NR2F1-AS1: variants seen among roughly 807,000 people sequenced by gnomAD.
The protein encoded by NR2F1-AS1 is NR2F1 antisense RNA 1.
At chr5:93,450,087 T>C (rs1749795831) in intron 4 of NR2F1-AS1, among the ~76,000 whole-genome samples, 1 of 152,196 alleles carries the variant, frequency 6.6e-6, no homozygotes. Flanking sequence ...CTTCTGAATA[T>C]GAATGTTCAT....
chr5:93,472,157 A>C lies in NR2F1-AS1; in HGVS notation n.639-76615T>G, dbSNP rs999714008. Among the ~76,000 whole-genome samples, 39 of 151,850 alleles carry C rather than the reference A, an allele frequency of 2.6e-4. 1 individual carries two copies. The highest frequency in any genetic ancestry group is 2.4e-5 in the African/African-American group (1 of 41,426). On this transcript the variant is annotated intron_variant and non_coding_transcript_variant, in intron 4 of 5. Transcript: ENST00000660523. ...ATTTGAACCCAGCCTTTTCATATGC[A>C]GAATCCTTAATGATATCAATGAAGG... is the stretch of plus-strand genomic sequence containing the variant.
chr5:93,416,431 G>C (rs1164291904), intron 4 of NR2F1-AS1, among the ~76,000 whole-genome samples: 1 of 152,072 alleles, frequency 6.6e-6, no homozygotes. Flanking sequence ...ATATAGAACA[G>C]AGATTATATC....
intron 2 of NR2F1-AS1, among the ~76,000 whole-genome samples, chr5:93,560,160 G>A (rs1561502974): frequency 2.6e-5 from 4 of 152,158 alleles, no homozygotes; most frequent in South Asian, 4.1e-4. Flanking sequence ...GATGATATAT[G>A]AAATGTGCTT....
chr5:93,441,687 G>T (rs191149434), intron 4 of NR2F1-AS1, among the ~76,000 whole-genome samples: 3 of 152,178 alleles, frequency 2.0e-5, no homozygotes, highest in African/African-American at 7.2e-5. Flanking sequence ...CATCACTGTG[G>T]AGATAAATCC....
chr5:93,486,788 A>G (rs1215319187), intron 4 of NR2F1-AS1, among the ~76,000 whole-genome samples: 1 of 152,180 alleles, frequency 6.6e-6, no homozygotes, highest in Non-Finnish European at 1.5e-5. Flanking sequence ...GCAGAGACAC[A>G]ATACAAAAAA....
At chr5:93,556,799 T>C (rs1356727217) in intron 2 of NR2F1-AS1, among the ~76,000 whole-genome samples, 2 of 152,174 alleles carry the variant, frequency 1.3e-5, no homozygotes, top group Non-Finnish European at 2.9e-5. Flanking sequence ...ACCAACACCT[T>C]GATCTCAGAC....
chr5:93,427,084 T>C (rs1375115818), intron 4 of NR2F1-AS1, among the ~76,000 whole-genome samples: 1 of 152,206 alleles, frequency 6.6e-6, no homozygotes, highest in Non-Finnish European at 1.5e-5. Context: ...CTGATCTTTT[T>C]CATGTATAAT....
intron 2 of NR2F1-AS1, among the ~76,000 whole-genome samples, chr5:93,556,270 TCTC>T (rs1156742456): frequency 9.2e-5 from 14 of 152,214 alleles, no homozygotes; most frequent in African/African-American, 1.9e-4. Flanking sequence ...CTTCAGGAGT[TCTC>T]CTGTTTGTTC....
At chr5:93,461,512 A>C (rs1400326303) in intron 4 of NR2F1-AS1, among the ~76,000 whole-genome samples, 1 of 152,202 alleles carries the variant, frequency 6.6e-6, no homozygotes, top group East Asian at 1.9e-4. Flanking sequence ...AAATTAAAAA[A>C]AAATTCAGTC....
chr5:93,416,092 C>A (rs187776638), intron 4 of NR2F1-AS1, among the ~76,000 whole-genome samples: 1 of 152,298 alleles, frequency 6.6e-6, no homozygotes, highest in Admixed American at 6.5e-5. Flanking sequence ...CAGGACATTA[C>A]AGTACTTACA....
chr5:93,579,498 A>G lies in NR2F1-AS1; in HGVS notation n.313+969T>C, dbSNP rs889766092. On this transcript the variant is annotated intron_variant and non_coding_transcript_variant, in intron 1 of 5. Coordinates refer to ENST00000660523, the Ensembl canonical transcript of NR2F1-AS1. The surrounding 1 kb of genome is among the most constrained non-coding windows in gnomAD (Gnocchi z 5.1). ...TGGGTGGGCGCCTCTGCTCCCGGGC[A>G]GGCTCAGCTGTCATCCCGTCTCGCC... Among the ~76,000 whole-genome samples, 1 of 152,162 alleles carries G rather than the reference A, an allele frequency of 6.6e-6. No individual in the cohort carries two copies. Among genetic ancestry groups the G allele is most frequent in the African/African-American group, 2.4e-5 (1 of 41,460 alleles).
Position 93,418,588 on chromosome 5 carries a change from A to AAAT in NR2F1-AS1, n.639-23047_639-23046insATT, listed in dbSNP as rs1561426353. Among the ~76,000 whole-genome samples the AAAT allele has an allele frequency of 1.8e-3, 264 of 149,518 alleles. 3 individuals are homozygous for AAAT. The highest frequency in any genetic ancestry group is 6.3e-3 in the African/African-American group (254 of 40,040). ...CAAAAGAGCGAGACGCCGTCTCATAAAAATAAATAAATAAATAAATAAATA... is the reference window on the plus strand; with the variant it reads ...CAAAAGAGCGAGACGCCGTCTCATAAAATAAATAAATAAATAAATAAATAAATA... On this transcript the variant is annotated intron_variant and non_coding_transcript_variant, in intron 4 of 5. Transcript: ENST00000660523.
chr5:93,527,950 G>A (rs539093659), intron 4 of NR2F1-AS1, among the ~76,000 whole-genome samples: 27 of 152,248 alleles, frequency 1.8e-4, no homozygotes, highest in African/African-American at 4.1e-4. Flanking sequence ...AAGACTTCAC[G>A]ACTAAAATAC....
intron 4 of NR2F1-AS1, among the ~76,000 whole-genome samples, chr5:93,444,018 C>G (rs1749634177): frequency 6.6e-6 from 1 of 152,124 alleles, no homozygotes; most frequent in African/African-American, 2.4e-5. Context: ...TTTGTCACCA[C>G]CAGGCCTGCC....
At chr5:93,536,730 C>T (rs1470069625) in intron 4 of NR2F1-AS1, among the ~76,000 whole-genome samples, 4 of 152,000 alleles carry the variant, frequency 2.6e-5, no homozygotes, top group African/African-American at 4.8e-5. Flanking sequence ...ACTGAATATC[C>T]ATATGTAGAA....
intron 4 of NR2F1-AS1, among the ~76,000 whole-genome samples, chr5:93,519,123 A>T (rs1751452245): frequency 6.6e-6 from 1 of 152,070 alleles, no homozygotes; most frequent in African/African-American, 2.4e-5. Flanking sequence ...CATACCAGTT[A>T]TCTTTTTACT....
chr5:93,507,364 T>C (rs1308034135), intron 4 of NR2F1-AS1, among the ~76,000 whole-genome samples: 3 of 109,636 alleles, frequency 2.7e-5, no homozygotes, highest in African/African-American at 8.6e-5. Flanking sequence ...TGTTTTGTTT[T>C]GTTTTGTTTG....
intron 4 of NR2F1-AS1, among the ~76,000 whole-genome samples, chr5:93,413,232 A>G: frequency 6.7e-6 from 1 of 150,250 alleles, no homozygotes; most frequent in East Asian, 1.9e-4. Flanking sequence ...GTGTGTGTAT[A>G]TATATATATA....
At chr5:93,526,748 C>T (rs1751626424) in intron 4 of NR2F1-AS1, among the ~76,000 whole-genome samples, 1 of 152,184 alleles carries the variant, frequency 6.6e-6, no homozygotes, top group South Asian at 2.1e-4. Context: ...ACAAAAACCA[C>T]ATGATTATCT....
Sources: allele counts gnomAD v4.1 joint callset (sites outside exome capture counted in the v4.1 genomes callset), GRCh38; gene constraint gnomAD v4.1.1; non-coding constraint Gnocchi (gnomAD v3.1); transcripts MANE v1.5; gene names NCBI Gene and HGNC (gene_info 2026-07-23, HGNC 2026-07-21).